Variants in SGCZ observed in about 807,000 individuals in gnomAD.
The protein encoded by SGCZ is sarcoglycan zeta, also known as zeta-sarcoglycan.
In SGCZ, 40 loss-of-function variants were observed where a neutral mutation model predicts 41.3. The observed-to-expected ratio is 0.97, with a 90% CI of 0.75 to 1.26. The LOEUF (loss-of-function observed/expected upper bound fraction) is 1.26. SGCZ is among the 50% of genes most tolerant of loss of function. The pLI, the probability that SGCZ is intolerant of heterozygous loss-of-function variation, is 0.00. For synonymous variants in SGCZ, 206 were observed against 137.5 expected (o/e 1.50, Z -3.49); for missense variants, 552 against 369.8 (o/e 1.49, Z -4.04).
intron 2 of SGCZ, among the ~76,000 whole-genome samples, chr8:14,454,844 A>G (rs985072905): frequency 1.3e-5 from 2 of 152,170 alleles, no homozygotes; most frequent in Non-Finnish European, 2.9e-5. Flanking sequence ...TATTAAGGTT[A>G]AATATACATC....
intron 1 of SGCZ, among the ~76,000 whole-genome samples, chr8:14,715,393 C>T (rs1809654791): frequency 6.6e-6 from 1 of 152,054 alleles, no homozygotes; most frequent in Non-Finnish European, 1.5e-5. Context: ...AAAGAGCTGG[C>T]CTAAGCGAAG....
intron 1 of SGCZ, among the ~76,000 whole-genome samples, chr8:14,616,282 C>CAA (rs11306350): frequency 7.6e-4 from 106 of 140,138 alleles, no homozygotes; most frequent in Middle Eastern, 3.8e-3. Flanking sequence ...GACTCTGTCT[C>CAA]AAAAAAAAAA....
chr8:14,179,423 G>C (rs1291939471), intron 4 of SGCZ, among the ~76,000 whole-genome samples: 1 of 152,144 alleles, frequency 6.6e-6, no homozygotes, highest in Admixed American at 6.5e-5. Context: ...CTTTGCTTAG[G>C]AGGGCCTACA....
At position 14,923,155 on chromosome 8, in the gene SGCZ, A is replaced by T. The variant is rs147589550; in HGVS notation, c.39+314430T>A. On this transcript the variant is annotated intron_variant, in intron 1 of 7. Transcript: ENST00000382080. ...CTATGAGCTCAAGTAAAATTGTCCA[A>T]AAACTTCAGAGTACAGATTTGGTTC... Among the ~76,000 whole-genome samples the T allele has an allele frequency of 4.2e-3, 645 of 152,334 alleles. 5 individuals are homozygous for T. The highest frequency in any genetic ancestry group is 0.017 in the South Asian group (83 of 4,826).
intron 1 of SGCZ, among the ~76,000 whole-genome samples, chr8:14,708,998 T>A (rs1809428505): frequency 6.6e-6 from 1 of 152,076 alleles, no homozygotes; most frequent in African/African-American, 2.4e-5. Context: ...AATTTATAAG[T>A]CCTTAATTGT....
Position 14,870,139 on chromosome 8 carries a change from A to G in SGCZ, c.40-315213T>C, listed in dbSNP as rs1177345626. Among the ~76,000 whole-genome samples the G allele has an allele frequency of 2.6e-5, 4 of 151,992 alleles. No individual in the cohort carries two copies. The East Asian group carries it at 7.7e-4, about 29-fold the overall frequency. ...TAGCCAAAACAATCCTAAGGAAAAA[A>G]GCTGGAGGCATCACACTACCTGACT... On this transcript the variant is annotated intron_variant, in intron 1 of 7. Transcript: ENST00000382080.
intron 3 of SGCZ, among the ~76,000 whole-genome samples, chr8:14,284,934 G>A (rs1040663136): frequency 1.3e-5 from 2 of 152,024 alleles, no homozygotes; most frequent in African/African-American, 4.8e-5. Flanking sequence ...TGTATGTCTA[G>A]CATTATTTAA....
intron 5 of SGCZ, among the ~76,000 whole-genome samples, chr8:14,148,103 G>C (rs1457722055): frequency 6.6e-6 from 1 of 151,906 alleles, no homozygotes; most frequent in African/African-American, 2.4e-5. Flanking sequence ...TCAAAAAAGA[G>C]GAAAGCCTTC....
At chr8:14,868,475 T>C (rs2130697013) in intron 1 of SGCZ, among the ~76,000 whole-genome samples, 1 of 152,298 alleles carries the variant, frequency 6.6e-6, no homozygotes, top group Non-Finnish European at 1.5e-5. Context: ...ATCTGTTTCA[T>C]TTTTGTGTTA....
chr8:14,341,909 C>A (rs1802723497), intron 2 of SGCZ, among the ~76,000 whole-genome samples: 1 of 152,174 alleles, frequency 6.6e-6, no homozygotes, highest in South Asian at 2.1e-4. Context: ...AGCTTCAGGT[C>A]TGGCTTTATC....
intron 2 of SGCZ, among the ~76,000 whole-genome samples, chr8:14,540,588 G>A (rs13275871): frequency 6.6e-6 from 1 of 151,404 alleles, no homozygotes. Flanking sequence ...TCCAAAAATA[G>A]CTATATTTTA....
intron 4 of SGCZ, among the ~76,000 whole-genome samples, chr8:14,213,750 A>C (rs66864079): frequency 6.6e-6 from 1 of 152,020 alleles, no homozygotes; most frequent in Non-Finnish European, 1.5e-5. Flanking sequence ...AATACTTAAG[A>C]CTTAAATATT....
At chr8:14,102,523 TAATAGGAAAA>T (rs766475891) in intron 6 of SGCZ, 24 bp from the exon 7 acceptor site, 2 of 1,361,570 alleles carry the variant, frequency 1.5e-6, no homozygotes, top group Middle Eastern at 5.0e-4. Context: ...AAAAAATCAT[TAATAGGAAAA>T]AAAAACACAA....
chr8:14,166,600 G>A (rs1401233464), intron 4 of SGCZ, among the ~76,000 whole-genome samples: 4 of 152,072 alleles, frequency 2.6e-5, no homozygotes, highest in African/African-American at 7.2e-5. Flanking sequence ...CTCAGTTGCT[G>A]AGCATAATTG....
chr8:14,339,895 A>G (rs117190265), intron 2 of SGCZ, among the ~76,000 whole-genome samples: 352 of 152,336 alleles, frequency 2.3e-3, no homozygotes, highest in Non-Finnish European at 3.8e-3. Flanking sequence ...CTATAAAGAG[A>G]GAACAGATGC....
At chr8:14,607,763 T>G (rs1805799255) in intron 1 of SGCZ, among the ~76,000 whole-genome samples, 1 of 152,160 alleles carries the variant, frequency 6.6e-6, no homozygotes, top group Non-Finnish European at 1.5e-5. Flanking sequence ...GGTTTTCAGC[T>G]CCTCTGGATA....
chr8:14,662,546 C>T (rs553644833), intron 1 of SGCZ, among the ~76,000 whole-genome samples: 2 of 152,232 alleles, frequency 1.3e-5, no homozygotes, highest in South Asian at 4.1e-4. Context: ...CAGAGTTTTA[C>T]CACTCATACA....
intron 1 of SGCZ, among the ~76,000 whole-genome samples, chr8:14,918,291 G>A (rs1031289627): frequency 2.6e-5 from 4 of 152,016 alleles, no homozygotes; most frequent in Admixed American, 6.6e-5. Flanking sequence ...CATCCTGCTA[G>A]TTCTCAGAAC....
intron 1 of SGCZ, among the ~76,000 whole-genome samples, chr8:14,725,335 T>C (rs1018234455): frequency 6.6e-6 from 1 of 152,234 alleles, no homozygotes; most frequent in Admixed American, 6.5e-5. Context: ...ATTTTCTTTC[T>C]TTGGATATAT....
Sources: allele counts gnomAD v4.1 joint callset (sites outside exome capture counted in the v4.1 genomes callset), GRCh38; gene constraint gnomAD v4.1.1; transcripts MANE v1.5; gene names NCBI Gene and HGNC (gene_info 2026-07-23, HGNC 2026-07-21).